The following GC variants were observed in gnomAD, a reference collection of about 807,000 sequenced individuals.
GC encodes the protein vitamin D-binding protein.
A neutral mutation model predicts 56.7 loss-of-function variants in GC; 43 were observed. The observed-to-expected ratio is 0.76, with a 90% confidence interval of 0.59 to 0.98. The LOEUF is 0.98. GC is among the 50% of genes least tolerant of loss of function. GC has a pLI of 0.00. For synonymous variants in GC, 216 were observed against 202.7 expected (o/e 1.07, Z -0.56); for missense variants, 529 against 545.9 (o/e 0.97, Z 0.31).
upstream of GC, among the ~76,000 whole-genome samples, chr4:71,786,789 G>A (rs897528556): frequency 2.0e-5 from 3 of 151,726 alleles, no homozygotes; most frequent in African/African-American, 7.3e-5. Flanking sequence ...TTAATGCTGC[G>A]ACAGTCTTCT....
chr4:71,797,069 G>C (rs1185207124), intron 1 of GC, among the ~76,000 whole-genome samples: 1 of 152,174 alleles, frequency 6.6e-6, no homozygotes, highest in Non-Finnish European at 1.5e-5. Flanking sequence ...CTTTGTCCCA[G>C]AGGGGCACCT....
chr4:71,804,189 C>T (rs1438836277), upstream of GC: 1 of 553,716 alleles, frequency 1.8e-6, no homozygotes, highest in Non-Finnish European at 3.2e-6. Flanking sequence ...GTAAAAGCAG[C>T]TAGGAGATTG....
At chr4:71,771,850 T>A (rs1328589102) in intron 1 of GC, among the ~76,000 whole-genome samples, 2 of 152,152 alleles carry the variant, frequency 1.3e-5, no homozygotes, top group African/African-American at 2.4e-5. Flanking sequence ...CAGAGAAGAA[T>A]AATTAGGGCT....
intron 1 of GC, among the ~76,000 whole-genome samples, chr4:71,794,342 T>C (rs1198541475): frequency 8.5e-5 from 13 of 152,206 alleles, no homozygotes; most frequent in Admixed American, 8.5e-4. Flanking sequence ...GAGTCTGTTA[T>C]TGGTCTATTC....
At chr4:71,784,129 A>G (rs941080375), upstream of GC, 110 of 1,457,944 alleles carry the variant, frequency 7.5e-5, no homozygotes, top group South Asian at 2.5e-4. Context: ...ACTATGAATT[A>G]ATCAATTATT....
At chr4:71,762,907 G>C (rs1322180179) in intron 6 of GC, among the ~76,000 whole-genome samples, 1 of 152,174 alleles carries the variant, frequency 6.6e-6, no homozygotes, top group Non-Finnish European at 1.5e-5. Context: ...TTTATCAGCG[G>C]AGTGAAAATA....
At chr4:71,752,224 C>A (rs1316706819) in intron 11 of GC, among the ~76,000 whole-genome samples, 1 of 152,152 alleles carries the variant, frequency 6.6e-6, no homozygotes, top group Non-Finnish European at 1.5e-5. Flanking sequence ...TTACAACTCA[C>A]AATTTGTAAA....
intron 6 of GC, among the ~76,000 whole-genome samples, chr4:71,758,956 C>A (rs1741874892): frequency 6.6e-6 from 1 of 152,146 alleles, no homozygotes; most frequent in African/African-American, 2.4e-5. Context: ...TCCTCCCATT[C>A]CTTGGCAACC....
intron 12 of GC, among the ~76,000 whole-genome samples, chr4:71,742,666 T>G (rs2282679): frequency 0.22 from 33,117 of 152,160 alleles, 4,256 homozygotes; most frequent in Non-Finnish European, 0.29. Flanking sequence ...ATACCTGGCT[T>G]TGTGAGATAA....
intron 11 of GC, among the ~76,000 whole-genome samples, chr4:71,746,784 A>AAAAAAAAAAAAAACAAACAAAC (rs1553946448): frequency 6.6e-6 from 1 of 150,886 alleles, no homozygotes; most frequent in African/African-American, 2.4e-5. Context: ...AAAAAAAAAA[A>AAAAAAAAAAAAAACAAACAAAC]AAAAAAAAAA....
At chr4:71,800,738 C>A (rs1481717457) in intron 1 of GC, among the ~76,000 whole-genome samples, 1 of 152,148 alleles carries the variant, frequency 6.6e-6, no homozygotes, top group Non-Finnish European at 1.5e-5. Flanking sequence ...GCCTTGCCAG[C>A]ATCTGTTGTT....
rs192859204 is a variant in GC at position 71,761,664 on chromosome 4, G to A, written c.701+1744C>T. Among the ~76,000 whole-genome samples, 36 of 152,256 alleles carry A rather than the reference G, an allele frequency of 2.4e-4. No homozygotes were observed. The East Asian group carries it at 2.9e-3, about 12-fold the overall frequency. ...TTCTTGGACCAGGCTCAGGGTTCCC[G>A]TGCTGTGTGCAGTCTAGGTATTTGG... On this transcript the variant is annotated intron_variant, in intron 6 of 12. Coordinates refer to ENST00000273951, the MANE Select transcript of GC (RefSeq NM_000583.4).
At chr4:71,797,430 G>T (rs994151173) in intron 1 of GC, among the ~76,000 whole-genome samples, 4 of 152,244 alleles carry the variant, frequency 2.6e-5, no homozygotes, top group Non-Finnish European at 5.9e-5. Flanking sequence ...CTGCAGCCTC[G>T]CAGTTCAATC....
chr4:71,760,321 G>A (rs1341483203), intron 6 of GC, among the ~76,000 whole-genome samples: 1 of 151,774 alleles, frequency 6.6e-6, no homozygotes, highest in East Asian at 1.9e-4. Flanking sequence ...CAAAGTGCTG[G>A]GATTACAGGT....
chr4:71,768,175 T>C, intron 3 of GC, 126 bp downstream of exon 3: 1 of 689,148 alleles, frequency 1.5e-6, no homozygotes, highest in Non-Finnish European at 2.3e-6. Context: ...ACAACAGGCT[T>C]CATATTTCCC....
At chr4:71,799,039 T>C (rs751935246) in intron 1 of GC, among the ~76,000 whole-genome samples, 7 of 152,206 alleles carry the variant, frequency 4.6e-5, no homozygotes, top group African/African-American at 1.7e-4. Context: ...ATTTTCATTA[T>C]GCCCAAAAGA....
upstream of GC, among the ~76,000 whole-genome samples, chr4:71,788,342 T>C (rs931273075): frequency 7.9e-5 from 12 of 151,808 alleles, no homozygotes; most frequent in African/African-American, 2.9e-4. Flanking sequence ...TATAGAAATA[T>C]ATTCCACAGA....
chr4:71,797,395 G>T (rs561797932), intron 1 of GC, among the ~76,000 whole-genome samples: 26 of 152,348 alleles, frequency 1.7e-4, no homozygotes, highest in African/African-American at 6.3e-4. Flanking sequence ...CCTCAGCAAT[G>T]GGGGACACCC....
At position 71,792,511 on chromosome 4, in the gene GC, G is replaced by GT. The variant is rs1051315986; in HGVS notation, c.22-8458dup. On this transcript the variant is annotated intron_variant, in intron 1 of 13. Coordinates refer to the GC transcript ENST00000504199. Reference sequence around the variant, plus strand: ...TGCCCACTTTTTGATGGGGCTCTTTGTTTTTTTTCTTGTAGATTTGTTTAA... The same window carrying GT: ...TGCCCACTTTTTGATGGGGCTCTTTGTTTTTTTTTCTTGTAGATTTGTTTAA... Among the ~76,000 whole-genome samples, 36 of 151,828 alleles carry GT rather than the reference G, an allele frequency of 2.4e-4. 2 individuals carry two copies. Among genetic ancestry groups the GT allele is most frequent in the African/African-American group, 6.3e-4 (26 of 41,426 alleles).
Sources: allele counts gnomAD v4.1 joint callset (sites outside exome capture counted in the v4.1 genomes callset), GRCh38; gene constraint gnomAD v4.1.1; transcripts MANE v1.5; gene names NCBI Gene and HGNC (gene_info 2026-07-23, HGNC 2026-07-21).